The following PLD1 variants were observed in gnomAD, a reference collection of about 807,000 sequenced individuals.
The protein encoded by PLD1 is choline phosphatase 1.
Under a neutral mutation model 137.1 loss-of-function variants are expected in PLD1, and 112 were observed. The ratio of observed to expected loss-of-function variants is 0.82; its 90% CI spans 0.70 to 0.96. PLD1 has a LOEUF of 0.96. PLD1 is among the 40% of genes least tolerant of loss of function. PLD1 has a pLI of 0.00. For synonymous variants in PLD1, 431 were observed against 454.7 expected (o/e 0.95, Z 0.66); for missense variants, 1,321 against 1,342.0 (o/e 0.98, Z 0.24).
At chr3:171,737,842 A>G in intron 2 of PLD1, 50 bp downstream of exon 2, 2 of 1,568,856 alleles carry the variant, frequency 1.3e-6, no homozygotes, top group Admixed American at 1.9e-5. Flanking sequence ...TGGTCTTCCG[A>G]CCAACCGAGA....
At chr3:171,639,169 A>G (rs1578162544) in intron 23 of PLD1, among the ~76,000 whole-genome samples, 1 of 145,862 alleles carries the variant, frequency 6.9e-6, no homozygotes, top group East Asian at 2.0e-4. Flanking sequence ...AGATATATAA[A>G]TATATAATAT....
At chr3:171,652,123 A>C (rs995864295) in intron 21 of PLD1, among the ~76,000 whole-genome samples, 1 of 152,124 alleles carries the variant, frequency 6.6e-6, no homozygotes, top group African/African-American at 2.4e-5. Flanking sequence ...CTTAGATAAA[A>C]TGTGTTTTGG....
At chr3:171,747,191 T>C (rs982270886) in intron 1 of PLD1, among the ~76,000 whole-genome samples, 2 of 152,166 alleles carry the variant, frequency 1.3e-5, no homozygotes, top group Non-Finnish European at 2.9e-5. Context: ...CTTTAAGAAC[T>C]GTAACACTTA....
At position 171,612,453 on chromosome 3, in the gene PLD1, G is replaced by C; in HGVS notation, c.2729-21C>G. 6.2e-7 allele frequency: 1 copy of C among 1,611,650 alleles called. No homozygotes were observed. The highest frequency in any genetic ancestry group is 8.5e-7 in the Non-Finnish European group (1 of 1,178,006). On this transcript the variant is annotated intron_variant, in intron 24 of 26. Transcript: ENST00000351298. This position sits in a 1 kb window ranked among gnomAD's most constrained non-coding sequence, Gnocchi z 4.1. ...AGAGCCTGTAAGGAGAAACAGTGAG[G>C]CTGAACAACCTTCCTGTTGTGGCAG...
At chr3:171,618,801 G>T (rs1054458217) in intron 24 of PLD1, among the ~76,000 whole-genome samples, 1 of 143,038 alleles carries the variant, frequency 7.0e-6, no homozygotes, top group Admixed American at 7.2e-5. Flanking sequence ...CTATAGACGA[G>T]GAGATAAAGG....
At chr3:171,772,776 G>A (rs1274655977) in intron 1 of PLD1, among the ~76,000 whole-genome samples, 1 of 152,158 alleles carries the variant, frequency 6.6e-6, no homozygotes. Flanking sequence ...TCAGTATGTC[G>A]TTAAATATTA....
rs370493887 is a variant in PLD1, at chr3:171,643,687, G to A, written c.2544-798C>T. Among the ~76,000 whole-genome samples the A allele has an allele frequency of 7.9e-5, 12 of 151,962 alleles. No individual in the cohort carries two copies. The South Asian group carries it at 1.0e-3, about 13-fold the overall frequency. ...ATTACAAAAATAATATTAGAATGGC[G>A]AATGAAATTGATAAAATTCAATTAA... On this transcript the variant is annotated intron_variant, in intron 22 of 26. Coordinates refer to ENST00000351298, the MANE Select transcript of PLD1 (RefSeq NM_002662.5).
In PLD1 at chr3:171,692,436, C is replaced by T. The variant is rs1276935875; in HGVS notation, c.1234G>A (p.Gly412Arg). 1.3e-6 allele frequency: 2 copies of T among 1,539,748 alleles called. No individual in the cohort carries two copies. Among genetic ancestry groups the T allele is most frequent in the Non-Finnish European group, 1.8e-6 (2 of 1,112,706 alleles). Residue 412 changes from glycine to arginine, a missense_variant, in exon 13 of 27, where the codon GGA becomes AGA. By Grantham distance (125) the Gly-to-Arg change is moderately radical (BLOSUM62 -2). Transcript: ENST00000351298. ...DCILKRKAQQ[G>R]VRIFIMLYKE... is the part of the protein sequence containing the mutation. ...TAGAGCATTATGAAGATCCTCACTC[C>T]TTGTTGCTGTCACAGGAGAAAACCG...
At chr3:171,768,667 G>C (rs1010686288) in intron 1 of PLD1, among the ~76,000 whole-genome samples, 12 of 152,124 alleles carry the variant, frequency 7.9e-5, no homozygotes, top group Non-Finnish European at 1.6e-4. Flanking sequence ...TCAACGTTTG[G>C]GGCGTAGCCA....
In PLD1 at chr3:171,630,123, G is replaced by A. The variant is rs1372701953; in HGVS notation, c.2594-9603C>T. Among the ~76,000 whole-genome samples, 4 of 150,696 alleles carry A rather than the reference G, an allele frequency of 2.7e-5. No homozygotes were observed. The East Asian group carries it at 7.9e-4, about 30-fold the overall frequency. On this transcript the variant is annotated intron_variant, in intron 23 of 26. Coordinates refer to ENST00000351298, the MANE Select transcript of PLD1 (RefSeq NM_002662.5). ...TTTCGCAACCTACTCATCTGACAAA[G>A]GGCTAATATCCAGAATCTACAATGA...
Position 171,778,942 on chromosome 3 carries a change from C to A in PLD1, c.-32+31457G>T, listed in dbSNP as rs543993809. Among the ~76,000 whole-genome samples the A allele has an allele frequency of 6.6e-4, 100 of 152,290 alleles. 1 individual carries two copies. The highest frequency in any genetic ancestry group is 1.2e-3 in the Non-Finnish European group (83 of 68,020). On this transcript the variant is annotated intron_variant, in intron 1 of 26. Transcript: ENST00000351298. The stretch of plus-strand genomic sequence containing the variant: ...TGGGCATGGTGCTGTAATCCCAGCA[C>A]TTTGGGAGGCCGAGGTGGGTGGATC...
intron 11 of PLD1, among the ~76,000 whole-genome samples, chr3:171,706,545 C>A (rs900063181): frequency 6.6e-6 from 1 of 152,130 alleles, no homozygotes; most frequent in Non-Finnish European, 1.5e-5. Context: ...TTTACAAACA[C>A]CCTCTTTTAA....
intron 24 of PLD1, among the ~76,000 whole-genome samples, chr3:171,618,856 TGC>T (rs1474421486): frequency 1.3e-4 from 18 of 140,906 alleles, no homozygotes; most frequent in African/African-American, 4.6e-4. Flanking sequence ...AAAGTGTGTG[TGC>T]GTGTGTGTGT....
chr3:171,776,003 G>C (rs1022989273), intron 1 of PLD1, among the ~76,000 whole-genome samples: 1 of 152,300 alleles, frequency 6.6e-6, no homozygotes, highest in East Asian at 1.9e-4. Context: ...TTCTGACTTT[G>C]TGTTCTTTCT....
intron 16 of PLD1, among the ~76,000 whole-genome samples, chr3:171,678,184 C>A (rs775883212): frequency 4.6e-5 from 7 of 152,150 alleles, no homozygotes; most frequent in Admixed American, 4.6e-4. Flanking sequence ...ATGCATAATT[C>A]TTTTGCATTA....
In PLD1 at chr3:171,677,512, T is replaced by C. The variant is rs971252836; in HGVS notation, c.1996+54A>G. 8 of 1,543,372 alleles carry C rather than the reference T, an allele frequency of 5.2e-6. No individual in the cohort carries two copies. In the Admixed American group the frequency reaches 1.1e-4, roughly 21 times the overall value. ...TCATGCACATGTATACTTGCTGAGA[T>C]GTTCAAAGGTAAAAGACAAAATATA... On this transcript the variant is annotated intron_variant, in intron 17 of 26. Coordinates refer to ENST00000351298, the MANE Select transcript of PLD1 (RefSeq NM_002662.5).
chr3:171,609,181 C>T (rs1732442358), intron 25 of PLD1, among the ~76,000 whole-genome samples: 1 of 152,012 alleles, frequency 6.6e-6, no homozygotes. Flanking sequence ...ATTAAAACCA[C>T]ACAAGATACC....
chr3:171,708,014 T>C (rs1396790157), intron 11 of PLD1, among the ~76,000 whole-genome samples: 1 of 152,152 alleles, frequency 6.6e-6, no homozygotes, highest in Admixed American at 6.5e-5. Flanking sequence ...AAATAAGGGG[T>C]AATTCAGGCA....
chr3:171,636,469 G>C (rs116187363), intron 23 of PLD1, among the ~76,000 whole-genome samples: 2 of 151,718 alleles, frequency 1.3e-5, no homozygotes, highest in Non-Finnish European at 2.9e-5. Context: ...TATTTTCAGC[G>C]TAGGTATCTT....
Sources: gnomAD v4.1 joint callset for allele counts (sites outside exome capture counted in the v4.1 genomes callset) on GRCh38, gnomAD v4.1.1 for gene constraint, Gnocchi (gnomAD v3.1) non-coding constraint, MANE v1.5 for transcripts, NCBI Gene and HGNC (gene_info 2026-07-23, HGNC 2026-07-21) for gene names.